The following PLEKHH2 variants were observed in gnomAD, a reference collection of about 807,000 sequenced individuals.
PLEKHH2 encodes the protein pleckstrin homology domain-containing family H member 2.
In PLEKHH2, 129 loss-of-function variants were observed where a neutral mutation model predicts 187.9. That is an observed-to-expected ratio of 0.69 (90% CI 0.59 to 0.79). PLEKHH2 has a LOEUF of 0.79. Ranked by LOEUF, PLEKHH2 falls within the 30% of genes least tolerant of loss-of-function variation. The pLI is 0.00. For synonymous variants in PLEKHH2, 686 were observed against 605.6 expected, an observed-to-expected ratio of 1.13 and a Z score of -1.95; for missense variants, 2,076 against 1,751.2, an observed-to-expected ratio of 1.19 and a Z score of -3.31.
intron 2 of PLEKHH2, among the ~76,000 whole-genome samples, chr2:43,677,387 A>G (rs180915593): frequency 6.6e-6 from 1 of 152,122 alleles, no homozygotes; most frequent in Admixed American, 6.5e-5. Flanking sequence ...GAGATTACGG[A>G]GTGGTGATGA....
chr2:43,732,124 G>C (rs1032428538), intron 19 of PLEKHH2, among the ~76,000 whole-genome samples: 2 of 152,162 alleles, frequency 1.3e-5, no homozygotes, highest in Admixed American at 6.5e-5. Flanking sequence ...AGCACTTTGG[G>C]AGGCCGAGGA....
At chr2:43,711,923 C>A in intron 14 of PLEKHH2, 1 of 1,054,016 alleles carries the variant, frequency 9.5e-7, no homozygotes, top group Non-Finnish European at 1.2e-6. Context: ...AAGTAGGAAC[C>A]TGTAACACAT....
intron 2 of PLEKHH2, among the ~76,000 whole-genome samples, chr2:43,645,624 G>T (rs889623835): frequency 5.9e-5 from 9 of 152,094 alleles, no homozygotes; most frequent in African/African-American, 2.2e-4. Context: ...AAATATCTCA[G>T]CAATAATTTT....
At chr2:43,690,313 T>G (rs1668730853) in intron 3 of PLEKHH2, among the ~76,000 whole-genome samples, 1 of 152,230 alleles carries the variant, frequency 6.6e-6, no homozygotes, top group Non-Finnish European at 1.5e-5. Context: ...AATTATCATT[T>G]GGATAGTAGA....
intron 16 of PLEKHH2, among the ~76,000 whole-genome samples, chr2:43,722,698 A>C (rs1670540311): frequency 6.6e-6 from 1 of 152,210 alleles, no homozygotes; most frequent in Admixed American, 6.5e-5. Context: ...CATCTAAATA[A>C]AATAATTATC....
At chr2:43,722,331 C>T (rs1670522053) in intron 16 of PLEKHH2, among the ~76,000 whole-genome samples, 1 of 151,450 alleles carries the variant, frequency 6.6e-6, no homozygotes, top group African/African-American at 2.4e-5. Flanking sequence ...ACTTACATAA[C>T]TTTTAGAAAA....
chr2:43,767,484 C>T lies in PLEKHH2; in HGVS notation c.*1886C>T, dbSNP rs139458578. The T allele has an allele frequency of 1.3e-5, 2 of 152,408 alleles. No homozygotes were observed. Among genetic ancestry groups the T allele is most frequent in the African/African-American group, 4.8e-5 (2 of 41,550 alleles). 9.4% of individuals were successfully genotyped at this position (152,408 alleles called of 1,614,324 possible). ...CATCTTTTGAGCCACAGTCGCCCAT[C>T]GAATAAGCAAATTTGTTTTTGAGAA... is the stretch of plus-strand genomic sequence containing the variant. On this transcript the variant is annotated 3_prime_UTR_variant, in exon 30 of 30. Coordinates refer to ENST00000282406, the MANE Select transcript of PLEKHH2 (RefSeq NM_172069.4).
intron 1 of PLEKHH2, among the ~76,000 whole-genome samples, chr2:43,640,346 C>T (rs80138715): frequency 0.014 from 2,071 of 151,982 alleles, 50 homozygotes; most frequent in African/African-American, 0.048. Flanking sequence ...AGCTCCCCGA[C>T]GCTTAGCTGA....
chr2:43,685,301 A>G (rs1435984970), intron 3 of PLEKHH2, among the ~76,000 whole-genome samples: 1 of 152,258 alleles, frequency 6.6e-6, no homozygotes, highest in East Asian at 1.9e-4. Flanking sequence ...CCCTTTGTTT[A>G]TCAATGAATG....
At chr2:43,688,387 A>T (rs1668632082) in intron 3 of PLEKHH2, among the ~76,000 whole-genome samples, 1 of 152,258 alleles carries the variant, frequency 6.6e-6, no homozygotes, top group Non-Finnish European at 1.5e-5. Context: ...TTCTATTTGG[A>T]AACAATCAGG....
Position 43,645,569 on chromosome 2 carries a change from G to C in PLEKHH2, c.123+773G>C, listed in dbSNP as rs192204392. 1.6e-4 allele frequency among the ~76,000 whole-genome samples: 24 copies of C among 152,168 alleles called. No homozygotes were observed. The East Asian group carries it at 4.4e-3, about 28-fold the overall frequency. ...GTTCAAATTGAGGTGTGTTGTAAAA[G>C]TAGAATAAATACAGGATTTCAAAGT... On this transcript the variant is annotated intron_variant, in intron 2 of 29. Transcript: ENST00000282406.
chr2:43,675,088 A>G (rs1272430793), intron 2 of PLEKHH2: 1 of 262,230 alleles, frequency 3.8e-6, no homozygotes, highest in African/African-American at 2.2e-5. Flanking sequence ...GAAATATGTA[A>G]GCTACATGTG....
intron 3 of PLEKHH2, chr2:43,680,765 AAAGTTTGTCATTCC>A (rs1182262045): frequency 1.5e-5 from 6 of 388,902 alleles, no homozygotes; most frequent in Admixed American, 3.6e-5. Flanking sequence ...GCAGCCGTAC[AAAGTTTGTCATTCC>A]AAGTTTCTCA....
intron 2 of PLEKHH2, among the ~76,000 whole-genome samples, chr2:43,672,938 T>G (rs1667559387): frequency 6.6e-6 from 1 of 152,226 alleles, no homozygotes; most frequent in African/African-American, 2.4e-5. Flanking sequence ...AAACATTTGA[T>G]TGCAACATTC....
At chr2:43,736,097 C>T (rs1179354875) in intron 19 of PLEKHH2, among the ~76,000 whole-genome samples, 1 of 151,944 alleles carries the variant, frequency 6.6e-6, no homozygotes, top group Non-Finnish European at 1.5e-5. Context: ...AGGGAACTAA[C>T]CGATGTTATT....
rs117682563 is a variant in PLEKHH2 at position 43,726,675 on chromosome 2, G to A, written c.2721+224G>A. Among the ~76,000 whole-genome samples, 1,163 of 152,256 alleles carry A rather than the reference G, an allele frequency of 7.6e-3. 21 individuals are homozygous for A. The highest frequency in any genetic ancestry group is 0.073 in the South Asian group (352 of 4,832). ...GTGGTATCAAGGCTGAAATTAGTGC[G>A]TGGAAGTGGAGGGCTAAAGGAACTT... On this transcript the variant is annotated intron_variant, in intron 17 of 29. Transcript: ENST00000282406.
intron 2 of PLEKHH2, among the ~76,000 whole-genome samples, chr2:43,678,147 A>T (rs6729506): frequency 2.7e-5 from 4 of 147,934 alleles, no homozygotes; most frequent in Non-Finnish European, 6.0e-5. Context: ...ACATCTCAGA[A>T]GATGGGTGGC....
chr2:43,687,274 C>T (rs1227500648), intron 3 of PLEKHH2, among the ~76,000 whole-genome samples: 2 of 152,270 alleles, frequency 1.3e-5, no homozygotes, highest in Middle Eastern at 3.4e-3. Context: ...CATTAATTCT[C>T]TTAGGATAAT....
At chr2:43,734,444 T>G (rs1385675974) in intron 19 of PLEKHH2, among the ~76,000 whole-genome samples, 3 of 152,158 alleles carry the variant, frequency 2.0e-5, no homozygotes, top group Non-Finnish European at 4.4e-5. Flanking sequence ...GCAAAAGATC[T>G]CAATAGACAT....
Sources: allele counts gnomAD v4.1 joint callset (sites outside exome capture counted in the v4.1 genomes callset), GRCh38; gene constraint gnomAD v4.1.1; transcripts MANE v1.5; gene names NCBI Gene and HGNC (gene_info 2026-07-23, HGNC 2026-07-21).